The following NFIB variants were observed in gnomAD, a reference collection of about 807,000 sequenced individuals.
NFIB encodes the protein nuclear factor 1 B-type.
NFIB carries 11 observed loss-of-function variants against 61.5 expected under a neutral mutation model. That is an observed-to-expected ratio of 0.18 (90% confidence interval 0.11 to 0.30). NFIB has a LOEUF of 0.30. Ranked by LOEUF, NFIB falls within the 10% of genes least tolerant of loss-of-function variation. The probability of loss-of-function intolerance (pLI) is 1.00; values close to 1 mark genes in which losing one functional copy is unlikely to be tolerated. For synonymous variants in NFIB, 260 were observed against 216.5 expected, an observed-to-expected ratio of 1.20 and a Z score of -1.76; for missense variants, 471 against 608.9, an observed-to-expected ratio of 0.77 and a Z score of 2.38.
At chr9:14,105,044 G>A (rs1243853149) in intron 10 of NFIB, among the ~76,000 whole-genome samples, 3 of 152,130 alleles carry the variant, frequency 2.0e-5, no homozygotes, top group African/African-American at 7.2e-5. Flanking sequence ...AGGATGTGTT[G>A]TAAATGAGTT....
chr9:14,468,801 G>C, the NFIB span, among the ~76,000 whole-genome samples: 1 of 152,322 alleles, frequency 6.6e-6, no homozygotes, highest in East Asian at 1.9e-4. Context: ...AGGTAGAAAT[G>C]ATCACACTCA....
At chr9:14,315,533 C>G (rs2060503393), upstream of NFIB, among the ~76,000 whole-genome samples, 1 of 142,778 alleles carries the variant, frequency 7.0e-6, no homozygotes, top group Admixed American at 6.9e-5. Flanking sequence ...GCGGCGCGCC[C>G]GGGGCTGCGG....
chr9:14,471,454 A>T, the NFIB span, among the ~76,000 whole-genome samples: 1 of 152,258 alleles, frequency 6.6e-6, no homozygotes, highest in Non-Finnish European at 1.5e-5. Flanking sequence ...CCAAATATTG[A>T]TTTTATAGGA....
At chr9:14,260,134 G>A (rs778875660) in intron 2 of NFIB, among the ~76,000 whole-genome samples, 1 of 152,176 alleles carries the variant, frequency 6.6e-6, no homozygotes, top group East Asian at 1.9e-4. Context: ...AGAACACGTA[G>A]AGAAGAGTCC....
the NFIB span, among the ~76,000 whole-genome samples, chr9:14,478,100 T>C: frequency 4.0e-4 from 61 of 152,322 alleles, 1 homozygote; most frequent in South Asian, 0.012. Context: ...TGTTGACTTA[T>C]ATGGTCAACT....
intron 2 of NFIB, among the ~76,000 whole-genome samples, chr9:14,262,713 C>T (rs749712771): frequency 1.3e-5 from 2 of 152,152 alleles, no homozygotes; most frequent in Admixed American, 6.6e-5. Context: ...ACAGAACCGA[C>T]AGCGGAGAAA....
intron 10 of NFIB, among the ~76,000 whole-genome samples, chr9:14,093,929 G>A (rs2034358690): frequency 6.6e-6 from 1 of 152,054 alleles, no homozygotes. Context: ...TATACCAGTT[G>A]CTAGCACTTA....
chr9:14,376,911 A>G (rs1483317311), intron 1 of NFIB, among the ~76,000 whole-genome samples: 1 of 152,144 alleles, frequency 6.6e-6, no homozygotes, highest in African/African-American at 2.4e-5. Context: ...TCCTACAATG[A>G]TACAACTTCA....
At chr9:14,176,115 G>A (rs1417009092) in intron 3 of NFIB, among the ~76,000 whole-genome samples, 1 of 152,120 alleles carries the variant, frequency 6.6e-6, no homozygotes, top group Non-Finnish European at 1.5e-5. Flanking sequence ...TAGCAGTGGA[G>A]TTTTTAATTA....
intron 9 of NFIB, among the ~76,000 whole-genome samples, chr9:14,114,565 G>C (rs2037849560): frequency 6.6e-6 from 1 of 152,190 alleles, no homozygotes; most frequent in African/African-American, 2.4e-5. Context: ...GACTGATGCA[G>C]CCATCTTTAT....
chr9:14,311,315 T>C (rs919899875), intron 1 of NFIB, among the ~76,000 whole-genome samples: 1 of 152,170 alleles, frequency 6.6e-6, no homozygotes, highest in Non-Finnish European at 1.5e-5. Flanking sequence ...TCCTGAGACA[T>C]GTTTTTCTAC....
chr9:14,365,351 G>T (rs1266673644), intron 1 of NFIB, among the ~76,000 whole-genome samples: 1 of 152,212 alleles, frequency 6.6e-6, no homozygotes, highest in Non-Finnish European at 1.5e-5. Flanking sequence ...CAATTTTGCT[G>T]AGAATGCTAA....
the NFIB span, among the ~76,000 whole-genome samples, chr9:14,465,064 A>G: frequency 6.6e-6 from 1 of 152,196 alleles, no homozygotes; most frequent in Non-Finnish European, 1.5e-5. Flanking sequence ...TTGGTTGGGA[A>G]ACCAAATAAT....
intron 3 of NFIB, among the ~76,000 whole-genome samples, chr9:14,164,618 A>G (rs2044575266): frequency 6.6e-6 from 1 of 152,204 alleles, no homozygotes; most frequent in East Asian, 1.9e-4. Flanking sequence ...AATACATTAA[A>G]ACAATTATGA....
intron 1 of NFIB, among the ~76,000 whole-genome samples, chr9:14,383,723 T>G (rs1349734335): frequency 6.6e-6 from 1 of 152,254 alleles, no homozygotes; most frequent in African/African-American, 2.4e-5. Flanking sequence ...CCTTTCATCA[T>G]GGCAGAGAGC....
chr9:14,284,552 T>C lies in NFIB; in HGVS notation c.562+22437A>G, dbSNP rs2058585959. Among the ~76,000 whole-genome samples the C allele has an allele frequency of 3.3e-5, 5 of 152,308 alleles. No homozygotes were observed. In the South Asian group the frequency reaches 1.0e-3, roughly 32 times the overall value. ...CACTCAAAATTCAAAAGTTTTTGAA[T>C]TAAAAATGGACTCTGTTTAGAAAGA... On this transcript the variant is annotated intron_variant, in intron 2 of 10. Coordinates refer to ENST00000380953, the MANE Select transcript of NFIB (RefSeq NM_001190737.2).
At chr9:14,509,435 A>C in the NFIB span, among the ~76,000 whole-genome samples, 1 of 152,212 alleles carries the variant, frequency 6.6e-6, no homozygotes, top group Non-Finnish European at 1.5e-5. Flanking sequence ...GCTCCATTTC[A>C]TCAAAACTTC....
the NFIB span, among the ~76,000 whole-genome samples, chr9:14,445,213 T>C: frequency 1.3e-5 from 2 of 152,194 alleles, no homozygotes; most frequent in Non-Finnish European, 1.5e-5. Context: ...TTCTGATAAT[T>C]AACCTGTATA....
the NFIB span, among the ~76,000 whole-genome samples, chr9:14,530,995 T>C: frequency 2.0e-5 from 3 of 152,242 alleles, no homozygotes; most frequent in African/African-American, 7.2e-5. Flanking sequence ...TATGAAATGC[T>C]TGCCTGTGGA....
Sources: gnomAD v4.1 joint callset for allele counts (sites outside exome capture counted in the v4.1 genomes callset) on GRCh38, gnomAD v4.1.1 for gene constraint, MANE v1.5 for transcripts, NCBI Gene and HGNC (gene_info 2026-07-23, HGNC 2026-07-21) for gene names.